The following SLC66A2 variants were observed in gnomAD, a reference collection of about 807,000 sequenced individuals.
The protein encoded by SLC66A2 is solute carrier family 66 member 2, also known as PQ loop repeat containing 1.
Under a neutral mutation model 25.5 loss-of-function variants are expected in SLC66A2, and 23 were observed. The observed-to-expected ratio is 0.90, with a 90% CI of 0.65 to 1.28. The LOEUF is 1.28. SLC66A2 is among the 50% of genes most tolerant of loss of function. The probability of loss-of-function intolerance (pLI) is 0.00; values close to 1 mark genes in which losing one functional copy is unlikely to be tolerated. For missense variants in SLC66A2, 396 were observed against 373.1 expected, an observed-to-expected ratio of 1.06 and a Z score of -0.51; for synonymous variants, 193 against 166.5, an observed-to-expected ratio of 1.16 and a Z score of -1.23.
Position 79,950,752 on chromosome 18 carries a change from C to A in SLC66A2, c.175G>T (p.Val59Leu), listed in dbSNP as rs1166864076. 4 of 1,613,158 alleles carry A rather than the reference C, an allele frequency of 2.5e-6. No individual in the cohort carries two copies. Among genetic ancestry groups the A allele is most frequent in the Non-Finnish European group, 3.4e-6 (4 of 1,179,990 alleles). The change falls in exon 2 of 6, where the codon GTG (valine) becomes TTG (leucine). Residue 59 changes from valine to leucine, a missense_variant. Physicochemically the swap from Val to Leu is conservative, Grantham distance 32. Coordinates refer to ENST00000397778, the MANE Select transcript of SLC66A2 (RefSeq NM_025078.5). The stretch of plus-strand genomic sequence containing the variant: ...AAGAGTATCCGCAAAATGTTGGCCA[C>A]CAGCAGCACCAGGCACACGTAGGTG... The part of the protein sequence containing the change: ...FSTYVCLVLL[V>L]ANILRILFWF...
At chr18:79,933,381 T>A (rs544504799) in intron 4 of SLC66A2, among the ~76,000 whole-genome samples, 2 of 152,132 alleles carry the variant, frequency 1.3e-5, no homozygotes, top group Non-Finnish European at 2.9e-5. Flanking sequence ...AAGAATAAGA[T>A]AGGTGCATCC....
rs1461028401 is a variant in SLC66A2 at position 79,937,455 on chromosome 18, T to C, written c.338-3433A>G. Among the ~76,000 whole-genome samples, 1 of 152,218 alleles carries C rather than the reference T, an allele frequency of 6.6e-6. No individual in the cohort carries two copies. The highest frequency in any genetic ancestry group is 2.4e-5 in the African/African-American group (1 of 41,454). ...TGACTCAGAAACATGCACTCATCATTGCAAGATGCTAGGGAACCAACTTTG... is the reference window on the plus strand; with the variant it reads ...TGACTCAGAAACATGCACTCATCATCGCAAGATGCTAGGGAACCAACTTTG... On this transcript the variant is annotated intron_variant, in intron 3 of 5. Coordinates refer to ENST00000397778, the MANE Select transcript of SLC66A2 (RefSeq NM_025078.5). The surrounding 1 kb of genome is among the most constrained non-coding windows in gnomAD (Gnocchi z 5.4).
intron 3 of SLC66A2, among the ~76,000 whole-genome samples, chr18:79,942,334 G>A (rs1987747564): frequency 1.3e-5 from 2 of 152,152 alleles, no homozygotes; most frequent in South Asian, 2.1e-4. Context: ...ACACTAACTG[G>A]CCCAGGTCAC....
intron 2 of SLC66A2, chr18:79,949,775 C>T (rs975211244): frequency 6.6e-6 from 1 of 152,280 alleles, no homozygotes; most frequent in Non-Finnish European, 1.5e-5. Context: ...TCTCTCCACC[C>T]CTCCACCAGG....
At chr18:79,909,141 T>A (rs1982561190) in intron 5 of SLC66A2, among the ~76,000 whole-genome samples, 1 of 152,254 alleles carries the variant, frequency 6.6e-6, no homozygotes. Context: ...GCACTTCATG[T>A]GGTTAGATTC....
At chr18:79,933,931 G>T (rs756932909) in intron 4 of SLC66A2, 38 bp downstream of exon 4, 6 of 1,583,494 alleles carry the variant, frequency 3.8e-6, no homozygotes, top group Admixed American at 3.5e-5. Flanking sequence ...TGAAGCAAAA[G>T]GAACGTGCTG....
chr18:79,913,424 G>A (rs1451385722), intron 5 of SLC66A2, among the ~76,000 whole-genome samples: 5 of 152,182 alleles, frequency 3.3e-5, no homozygotes, highest in Admixed American at 6.5e-5. Context: ...CAGAAAATCC[G>A]CCCTTCGGAG....
At chr18:79,943,593 A>C (rs1294481740) in intron 2 of SLC66A2, 131 bp from the exon 3 acceptor site, 1 of 1,079,178 alleles carries the variant, frequency 9.3e-7, no homozygotes, top group East Asian at 2.5e-5. Flanking sequence ...CTGAACCTGC[A>C]GCCGGAGAGA....
chr18:79,914,479 G>A (rs1382741788), intron 5 of SLC66A2, among the ~76,000 whole-genome samples: 1 of 152,138 alleles, frequency 6.6e-6, no homozygotes, highest in Non-Finnish European at 1.5e-5. Flanking sequence ...GGAAGTGGGG[G>A]GTCACTCCAG....
chr18:79,948,099 A>G (rs1184308024), intron 2 of SLC66A2, among the ~76,000 whole-genome samples: 6 of 152,192 alleles, frequency 3.9e-5, no homozygotes, highest in African/African-American at 1.2e-4. Flanking sequence ...GCCATGCATG[A>G]CCAGGACAGC....
chr18:79,926,790 C>T (rs1986007996), intron 4 of SLC66A2, among the ~76,000 whole-genome samples: 1 of 152,042 alleles, frequency 6.6e-6, no homozygotes, highest in Admixed American at 6.5e-5. Context: ...ACAGACGGTG[C>T]AGCTGCTTAC....
chr18:79,923,510 C>T (rs549744072), intron 4 of SLC66A2, among the ~76,000 whole-genome samples: 3 of 152,208 alleles, frequency 2.0e-5, no homozygotes, highest in South Asian at 2.1e-4. Flanking sequence ...TGGCAAATGA[C>T]TAACAGAAAA....
chr18:79,924,646 A>G (rs765145365), intron 4 of SLC66A2, among the ~76,000 whole-genome samples: 9 of 152,220 alleles, frequency 5.9e-5, no homozygotes, highest in Non-Finnish European at 1.0e-4. Context: ...ATTTGAATGC[A>G]TAACGAAATA....
chr18:79,911,007 G>T (rs902681981), intron 5 of SLC66A2, among the ~76,000 whole-genome samples: 1 of 152,270 alleles, frequency 6.6e-6, no homozygotes, highest in Admixed American at 6.5e-5. Flanking sequence ...CAGGGGAAGG[G>T]CTAAGAGGCT....
At chr18:79,939,645 A>C (rs1170608250) in intron 3 of SLC66A2, among the ~76,000 whole-genome samples, 1 of 152,240 alleles carries the variant, frequency 6.6e-6, no homozygotes, top group African/African-American at 2.4e-5. Context: ...AACATCACTG[A>C]TCATTAGAGA....
At chr18:79,925,053 T>C (rs1985772796) in intron 4 of SLC66A2, 1 of 152,344 alleles carries the variant, frequency 6.6e-6, no homozygotes, top group Non-Finnish European at 1.5e-5. Context: ...TGACTCCTGA[T>C]CTGTCCGGTG....
intron 2 of SLC66A2, among the ~76,000 whole-genome samples, chr18:79,949,099 T>C (rs116142740): frequency 2.3e-3 from 345 of 152,272 alleles, no homozygotes; most frequent in African/African-American, 8.1e-3. Flanking sequence ...CCGAGGTCGT[T>C]GCAGGGGACA....
chr18:79,903,240 T>G lies in SLC66A2; in HGVS notation c.*736A>C, dbSNP rs1981491495. The G allele has an allele frequency of 6.6e-6, 1 of 152,406 alleles. No homozygotes were observed. The highest frequency in any genetic ancestry group is 6.5e-5 in the Admixed American group (1 of 15,288). The allele number at this position is 152,406 out of a possible 1,614,324, so 9.4% of individuals were successfully genotyped here. On this transcript the variant is annotated 3_prime_UTR_variant, in exon 6 of 6. Transcript: ENST00000397778. ...TGAGGGCCTCCACGTTGTCTGATGGTCGCTGGCATCTGCCACGTCCCCAAG... is the reference window on the plus strand; with the variant it reads ...TGAGGGCCTCCACGTTGTCTGATGGGCGCTGGCATCTGCCACGTCCCCAAG...
At chr18:79,905,419 G>T (rs1981962666) in intron 5 of SLC66A2, among the ~76,000 whole-genome samples, 1 of 151,334 alleles carries the variant, frequency 6.6e-6, no homozygotes, top group Non-Finnish European at 1.5e-5. Context: ...AGGCCCCTCG[G>T]CCTCTCACAC....
Sources: gnomAD v4.1 joint callset for allele counts (sites outside exome capture counted in the v4.1 genomes callset) on GRCh38, gnomAD v4.1.1 for gene constraint, Gnocchi (gnomAD v3.1) non-coding constraint, MANE v1.5 for transcripts, NCBI Gene and HGNC (gene_info 2026-07-23, HGNC 2026-07-21) for gene names.